Variants in TYW1 observed in about 807,000 individuals in gnomAD.
The protein encoded by TYW1 is S-adenosyl-L-methionine-dependent tRNA 4-demethylwyosine synthase TYW1.
Under a neutral mutation model 96.2 loss-of-function variants are expected in TYW1, and 46 were observed. The ratio of observed to expected loss-of-function variants is 0.48; its 90% CI spans 0.38 to 0.61. TYW1 has a LOEUF of 0.61. TYW1 is among the 20% of genes least tolerant of loss of function. TYW1 has a pLI of 0.00. For synonymous variants in TYW1, 274 were observed against 323.0 expected (o/e 0.85, Z 1.63); for missense variants, 684 against 909.6 (o/e 0.75, Z 3.19).
intron 13 of TYW1, among the ~76,000 whole-genome samples, chr7:67,142,924 G>C (rs1238510831): frequency 1.3e-5 from 2 of 151,956 alleles, no homozygotes; most frequent in African/African-American, 4.8e-5. Flanking sequence ...GTGGTGGCAG[G>C]CGCCTGTAAT....
intron 3 of TYW1, among the ~76,000 whole-genome samples, chr7:67,009,375 C>T (rs928449215): frequency 2.4e-4 from 37 of 152,226 alleles, no homozygotes; most frequent in Admixed American, 1.2e-3. Flanking sequence ...AAACCCTGAT[C>T]GGGTGAGAAC....
chr7:67,138,700 G>A (rs911018885), intron 13 of TYW1, among the ~76,000 whole-genome samples: 1 of 151,868 alleles, frequency 6.6e-6, no homozygotes, highest in Non-Finnish European at 1.5e-5. Flanking sequence ...TTGATTTTTC[G>A]ATCCCACAGT....
At chr7:67,182,650 T>C (rs1799877414) in intron 13 of TYW1, among the ~76,000 whole-genome samples, 1 of 152,218 alleles carries the variant, frequency 6.6e-6, no homozygotes, top group Non-Finnish European at 1.5e-5. Context: ...CCATGTGCCT[T>C]TTCTGCCAGC....
chr7:67,065,275 CCT>C, intron 9 of TYW1, among the ~76,000 whole-genome samples: 2 of 152,310 alleles, frequency 1.3e-5, no homozygotes, highest in Middle Eastern at 6.8e-3. Flanking sequence ...CCTCACTTAA[CCT>C]TAAATACCTC....
intron 10 of TYW1, among the ~76,000 whole-genome samples, chr7:67,079,706 T>C (rs1796322950): frequency 6.6e-6 from 1 of 152,154 alleles, no homozygotes; most frequent in Non-Finnish European, 1.5e-5. Flanking sequence ...GAAATGATTC[T>C]ACATTTTTGA....
chr7:67,054,518 T>G (rs1285179410), intron 8 of TYW1, among the ~76,000 whole-genome samples: 1 of 152,180 alleles, frequency 6.6e-6, no homozygotes, highest in Non-Finnish European at 1.5e-5. Context: ...TTTGTTTATT[T>G]ATATGCAAGA....
chr7:67,002,649 AT>A (rs143818440), intron 3 of TYW1, among the ~76,000 whole-genome samples: 2 of 151,064 alleles, frequency 1.3e-5, no homozygotes, highest in Non-Finnish European at 2.9e-5. Context: ...GTATACTTGA[AT>A]TTTTTTTGTT....
intron 15 of TYW1, among the ~76,000 whole-genome samples, chr7:67,237,499 CAAAAA>C (rs386410332): frequency 2.0e-5 from 2 of 98,778 alleles, no homozygotes. Flanking sequence ...GACTCTGTCT[CAAAAA>C]AAAAAAAAAA....
intron 13 of TYW1, among the ~76,000 whole-genome samples, chr7:67,174,656 A>G (rs1799615486): frequency 6.6e-6 from 1 of 152,006 alleles, no homozygotes; most frequent in Non-Finnish European, 1.5e-5. Flanking sequence ...AAGTACTTGG[A>G]AGGAAATAAA....
intron 13 of TYW1, among the ~76,000 whole-genome samples, chr7:67,134,945 C>CAAAA (rs55746054): frequency 7.5e-5 from 5 of 66,338 alleles, no homozygotes; most frequent in Non-Finnish European, 1.4e-4. Flanking sequence ...CTTTCTCTAC[C>CAAAA]AAAAAAAAAA....
intron 12 of TYW1, among the ~76,000 whole-genome samples, chr7:67,099,482 AAG>A (rs1317819689): frequency 6.6e-6 from 1 of 152,222 alleles, no homozygotes; most frequent in Non-Finnish European, 1.5e-5. Context: ...GAATGTGTGA[AAG>A]AGAGTGGCAG....
At chr7:67,057,113 C>G (rs1795543249) in intron 9 of TYW1, among the ~76,000 whole-genome samples, 1 of 150,752 alleles carries the variant, frequency 6.6e-6, no homozygotes. Context: ...CTCCTGGGTT[C>G]AAATGATTCT....
At chr7:67,187,438 A>C (rs10950062) in intron 14 of TYW1, among the ~76,000 whole-genome samples, 43,924 of 151,974 alleles carry the variant, frequency 0.29, 7,037 homozygotes, top group African/African-American at 0.43. Context: ...AGGCACATTC[A>C]GTCATGTCAT....
At chr7:67,211,233 T>A (rs1801009862) in intron 15 of TYW1, among the ~76,000 whole-genome samples, 1 of 149,040 alleles carries the variant, frequency 6.7e-6, no homozygotes, top group African/African-American at 2.5e-5. Context: ...TCTCCAGGAT[T>A]ATCTCACACA....
chr7:67,192,794 T>G (rs10232876), intron 14 of TYW1, among the ~76,000 whole-genome samples: 44,006 of 152,066 alleles, frequency 0.29, 7,066 homozygotes, highest in African/African-American at 0.43. Flanking sequence ...GCAAGTCGAC[T>G]AATAAAGAGA....
chr7:67,012,280 G>A (rs1481305438), intron 4 of TYW1, among the ~76,000 whole-genome samples: 2 of 152,160 alleles, frequency 1.3e-5, no homozygotes, highest in East Asian at 3.9e-4. Context: ...CTCGGGAGGT[G>A]GAGGTTGCAG....
chr7:67,237,900 A>G (rs1353240850), intron 15 of TYW1, among the ~76,000 whole-genome samples: 2 of 152,174 alleles, frequency 1.3e-5, no homozygotes, highest in Non-Finnish European at 2.9e-5. Flanking sequence ...AGCCAAGTTG[A>G]GTCTAAAAAG....
chr7:67,093,739 A>G (rs1363967885), intron 11 of TYW1, among the ~76,000 whole-genome samples: 1 of 152,074 alleles, frequency 6.6e-6, no homozygotes, highest in Non-Finnish European at 1.5e-5. Flanking sequence ...CATTCTTACA[A>G]TTGCAGTTAC....
intron 13 of TYW1, among the ~76,000 whole-genome samples, chr7:67,173,498 A>G (rs1483363536): frequency 6.6e-6 from 1 of 152,264 alleles, no homozygotes; most frequent in East Asian, 1.9e-4. Context: ...TTCCTAGTGC[A>G]TCAATCAAGT....
Sources: gnomAD v4.1 joint callset for allele counts (sites outside exome capture counted in the v4.1 genomes callset) on GRCh38, gnomAD v4.1.1 for gene constraint, MANE v1.5 for transcripts, NCBI Gene and HGNC (gene_info 2026-07-23, HGNC 2026-07-21) for gene names.